TRPM5: variants seen among roughly 807,000 people sequenced by gnomAD.
TRPM5 encodes transient receptor potential cation channel subfamily M member 5, also known as MLSN1 and TRP-related.
In TRPM5, 121 loss-of-function variants were observed where a neutral mutation model predicts 124.9. That is an observed-to-expected ratio of 0.97 (90% CI 0.84 to 1.13). TRPM5 has a LOEUF of 1.13. Among genes scored for constraint, TRPM5 ranks in the 50% most tolerant of loss-of-function variants. The probability of loss-of-function intolerance (pLI) is 0.00; values close to 1 mark genes in which losing one functional copy is unlikely to be tolerated. For missense variants in TRPM5, 1,643 were observed against 1,589.1 expected (o/e 1.03, Z -0.58); for synonymous variants, 781 against 700.5 (o/e 1.11, Z -1.81).
At position 2,414,705 on chromosome 11, in the gene TRPM5, G is replaced by T; in HGVS notation, c.1744+10C>A. ...GCGCGCGGGCCCGGCCCCAGCCGCC[G>T]GTCACTCACCAAGGGCCAGCCGCTC... On this transcript the variant is annotated intron_variant, in intron 11 of 23. Coordinates refer to ENST00000155858, the Ensembl canonical transcript of TRPM5. 6.5e-7 allele frequency: 1 copy of T among 1,529,716 alleles called. No homozygotes were observed. The allele number at this position is 1,529,716 out of a possible 1,614,324, so 94.8% of individuals were successfully genotyped here.
Position 2,415,249 on chromosome 11 carries a change from C to T in TRPM5, c.1351G>A (p.Ala451Thr), listed in dbSNP as rs373631427. ...GGTGGCCCCGCGGGTGGCTCCCGGGCCTGCTGGGTGCCCAGGCCGGCCAGC... is the reference window on the plus strand; with the variant it reads ...GGTGGCCCCGCGGGTGGCTCCCGGGTCTGCTGGGTGCCCAGGCCGGCCAGC... The change falls in exon 9 of 24, where the codon GCC (alanine) becomes ACC (threonine). Residue 451 changes from alanine to threonine, a missense_variant. Physicochemically the swap from Ala to Thr is moderately conservative, Grantham distance 58. Transcript: ENST00000155858. 460 of 1,570,732 alleles carry T rather than the reference C, an allele frequency of 2.9e-4. No individual in the cohort carries two copies. The highest frequency in any genetic ancestry group is 3.9e-4 in the Non-Finnish European group (448 of 1,162,286).
Position 2,415,441 on chromosome 11 carries a change from C to T in TRPM5, c.1159G>A (p.Ala387Thr), listed in dbSNP as rs375403191. Reference sequence around the variant, plus strand: ...AACTCGGGCTTGTTGCTGACCAGGGCGTCCACCATCACCTCCTCCAGGTCA... The same window carrying T: ...AACTCGGGCTTGTTGCTGACCAGGGTGTCCACCATCACCTCCTCCAGGTCA... Residue 387 changes from alanine (A) to threonine (T), a missense_variant, in exon 9 of 24, where the codon GCC becomes ACC. Ala to Thr is a moderately conservative substitution (Grantham distance 58, BLOSUM62 0). Transcript: ENST00000155858. 2.3e-5 allele frequency: 36 copies of T among 1,583,572 alleles called. No homozygotes were observed. Among genetic ancestry groups the T allele is most frequent in the African/African-American group, 9.4e-5 (7 of 74,516 alleles).
chr11:2,435,699 A>C, the TRPM5 span, among the ~76,000 whole-genome samples: 19 of 150,614 alleles, frequency 1.3e-4, no homozygotes, highest in Non-Finnish European at 2.7e-4. This position sits in a 1 kb window ranked among gnomAD's most constrained non-coding sequence, Gnocchi z 4.1. Flanking sequence ...CTGTCCATCT[A>C]TCCATCCATC....
At chr11:2,436,778 A>T in the TRPM5 span, among the ~76,000 whole-genome samples, 1 of 152,216 alleles carries the variant, frequency 6.6e-6, no homozygotes, top group Non-Finnish European at 1.5e-5. Context: ...TTTCCGCCAG[A>T]TGGGCTGGGC....
intron 12 of TRPM5, 35 bp downstream of exon 17, chr11:2,414,026 C>CCCCCCCA: frequency 6.5e-7 from 1 of 1,543,148 alleles, no homozygotes. Flanking sequence ...CACCCCACCC[C>CCCCCCCA]CTGGCAGCTC....
chr11:2,412,363 GGGC>G (rs2133512728), intron 15 of TRPM5, 110 bp from the exon 21 acceptor site: 358 of 853,830 alleles, frequency 4.2e-4, no homozygotes, highest in Non-Finnish European at 5.7e-4. Context: ...TCTATGACCA[GGGC>G]CGAGGCTACC....
At position 2,415,228 on chromosome 11, in the gene TRPM5, GC is replaced by G; in HGVS notation, c.1371del (p.Pro458HisfsTer53). On this transcript the variant is annotated frameshift_variant, in exon 9 of 24. Transcript: ENST00000155858. LOFTEE classifies it high-confidence loss of function. Reference sequence around the variant, plus strand: ...ACCTCGTGCAGGGAGAAGGCCGGTGGCCCCGCGGGTGGCTCCCGGGCCTGCT... The same window carrying G: ...ACCTCGTGCAGGGAGAAGGCCGGTGGCCCGCGGGTGGCTCCCGGGCCTGCT... 3 of 1,574,402 alleles carry G rather than the reference GC, an allele frequency of 1.9e-6. No individual in the cohort carries two copies. The highest frequency in any genetic ancestry group is 1.7e-6 in the Non-Finnish European group (2 of 1,163,234).
chr11:2,431,634 A>C, the TRPM5 span, among the ~76,000 whole-genome samples: 1 of 151,974 alleles, frequency 6.6e-6, no homozygotes, highest in South Asian at 2.1e-4. Flanking sequence ...AAACCCAAAG[A>C]AGCCTTGGAA....
At chr11:2,405,424 CAGGCAGGGA>C (rs1850295486) in intron 23 of TRPM5, 94 bp downstream of exon 28, 1 of 1,244,742 alleles carries the variant, frequency 8.0e-7, no homozygotes, top group Non-Finnish European at 1.1e-6. Context: ...ACTCCCGGGC[CAGGCAGGGA>C]AGGCAGAGCA....
upstream of TRPM5, among the ~76,000 whole-genome samples, chr11:2,423,499 G>A (rs1845800231): frequency 6.6e-6 from 1 of 152,124 alleles, no homozygotes; most frequent in Non-Finnish European, 1.5e-5. Context: ...GGAGACCCTG[G>A]GTGCACCTGG....
At chr11:2,415,562 A>G (rs1001814560) in intron 8 of TRPM5, 91 bp from the exon 14 acceptor site, 3 of 890,470 alleles carry the variant, frequency 3.4e-6, no homozygotes, top group Admixed American at 2.8e-5. Context: ...AGCAGGGAGC[A>G]TGGGGATCCA....
chr11:2,413,085 G>T (rs1187484452), intron 14 of TRPM5, 49 bp downstream of exon 19: 1 of 1,538,530 alleles, frequency 6.5e-7, no homozygotes, highest in African/African-American at 1.4e-5. Flanking sequence ...CAGCCTCCCA[G>T]CCACCACCCG....
rs574806950 is a variant in TRPM5 at position 2,420,472 on chromosome 11, T to A, written c.466-67A>T. ...AGCTTGGGCTGGTCCCGCTGCGGGA[T>A]CCTCCCTGCCAGGCCGTGCACACCA... On this transcript the variant is annotated intron_variant, in intron 3 of 23. Coordinates refer to ENST00000155858, the Ensembl canonical transcript of TRPM5. 108 of 1,496,030 alleles carry A rather than the reference T, an allele frequency of 7.2e-5. 1 individual carries two copies. The South Asian group carries it at 1.3e-3, about 17-fold the overall frequency. 92.7% of individuals were successfully genotyped at this position (1,496,030 alleles called of 1,614,324 possible). A position where few individuals can be genotyped will look rare whatever the true frequency, so the allele number is the denominator to read the frequency against.
At chr11:2,441,981 A>G in the TRPM5 span, among the ~76,000 whole-genome samples, 2,526 of 152,250 alleles carry the variant, frequency 0.017, 78 homozygotes, top group African/African-American at 0.057. This position sits in a 1 kb window ranked among gnomAD's most constrained non-coding sequence, Gnocchi z 7.2. Context: ...GAGCCACTGC[A>G]TCCGGCCTAG....
rs374884818 is a variant in TRPM5 at position 2,420,603 on chromosome 11, C to G, written c.466-198G>C. 9.2e-5 allele frequency among the ~76,000 whole-genome samples: 14 copies of G among 152,346 alleles called. No homozygotes were observed. In the South Asian group the frequency reaches 2.3e-3, roughly 25 times the overall value. ...GGCCCGGGGACCCTCCTTCGACAGT[C>G]AGGGGCAGGGGCGGTGGGGAGCGGG... On this transcript the variant is annotated intron_variant, in intron 3 of 23. Coordinates refer to ENST00000155858, the Ensembl canonical transcript of TRPM5.
Position 2,418,516 on chromosome 11 carries a change from C to T in TRPM5, c.714+11G>A, listed in dbSNP as rs1291580453. ...CTTCGGCCAGCCAGGGGGCCTCAGC[C>T]AGGCCCCTACCTCCAAGGTGTTGGG... On this transcript the variant is annotated intron_variant, in intron 5 of 23. Transcript: ENST00000155858. 8 of 1,608,644 alleles carry T rather than the reference C, an allele frequency of 5.0e-6. No individual in the cohort carries two copies. In the Admixed American group the frequency reaches 1.2e-4, roughly 24 times the overall value.
intron 20 of TRPM5, 102 bp from the exon 26 acceptor site, chr11:2,406,895 A>G: frequency 6.7e-7 from 1 of 1,488,520 alleles, no homozygotes; most frequent in East Asian, 2.3e-5. Flanking sequence ...AGAAGGAGTG[A>G]GTGGGGCCCA....
At chr11:2,407,042 G>A (rs758081098) in intron 20 of TRPM5, 77 bp downstream of exon 25, 59 of 1,442,450 alleles carry the variant, frequency 4.1e-5, no homozygotes, top group Non-Finnish European at 4.9e-5. Context: ...CTCCAGACCT[G>A]CCTCCAGCGC....
chr11:2,416,872 G>T (rs940612524), intron 7 of TRPM5, among the ~76,000 whole-genome samples: 4 of 152,158 alleles, frequency 2.6e-5, no homozygotes, highest in African/African-American at 9.7e-5. Flanking sequence ...CATCAACCAC[G>T]GTCTGTCCAC....
Sources: gnomAD v4.1 joint callset for allele counts (sites outside exome capture counted in the v4.1 genomes callset) on GRCh38, gnomAD v4.1.1 for gene constraint, Gnocchi (gnomAD v3.1) non-coding constraint, MANE v1.5 for transcripts, NCBI Gene and HGNC (gene_info 2026-07-23, HGNC 2026-07-21) for gene names.